BRIP1: variants seen among roughly 807,000 people sequenced by gnomAD.
BRIP1 encodes Fanconi anemia group J protein.
A neutral mutation model predicts 119.7 loss-of-function variants in BRIP1; 88 were observed. That is an observed-to-expected ratio of 0.74 (90% CI 0.62 to 0.88). The LOEUF (loss-of-function observed/expected upper bound fraction) is 0.88, where lower values mean the gene tolerates loss of function less well. Ranked by LOEUF, BRIP1 falls within the 40% of genes least tolerant of loss-of-function variation. The pLI is 0.00. For missense variants in BRIP1, 1,259 were observed against 1,455.4 expected (o/e 0.87, Z 2.20); for synonymous variants, 443 against 496.5 (o/e 0.89, Z 1.43).
chr17:61,701,809 GAT>G lies in BRIP1; in HGVS notation c.2493-8299_2493-8298del, dbSNP rs1479878033. 6.6e-6 allele frequency among the ~76,000 whole-genome samples: 1 copy of G among 152,164 alleles called. No homozygotes were observed. The stretch of plus-strand genomic sequence containing the variant: ...TGAGCTCTGAGTCAGGTCAAATAAA[GAT>G]AGCCTTGTGAGTGGGGTCTTCCAGG... On this transcript the variant is annotated intron_variant, in intron 17 of 19. Coordinates refer to ENST00000259008, the MANE Select transcript of BRIP1 (RefSeq NM_032043.3). This position sits in a 1 kb window ranked among gnomAD's most constrained non-coding sequence, Gnocchi z 5.1.
Position 61,704,747 on chromosome 17 carries a change from T to C in BRIP1, c.2492+11204A>G, listed in dbSNP as rs2144288036. The stretch of plus-strand genomic sequence containing the variant: ...CTTCATCTAAGTTATCAAATGTATA[T>C]GTATAGAGTTTTTCGTAGTATTCTC... On this transcript the variant is annotated intron_variant, in intron 17 of 19. Transcript: ENST00000259008. This position sits in a 1 kb window ranked among gnomAD's most constrained non-coding sequence, Gnocchi z 5.7. 6.6e-6 allele frequency among the ~76,000 whole-genome samples: 1 copy of C among 152,272 alleles called. No individual in the cohort carries two copies. The highest frequency in any genetic ancestry group is 1.9e-4 in the East Asian group (1 of 5,184).
At chr17:61,784,466 G>C (rs1170862114) in intron 10 of BRIP1, 42 bp from the exon 11 acceptor site, 4 of 1,555,888 alleles carry the variant, frequency 2.6e-6, no homozygotes, top group Non-Finnish European at 3.5e-6. Context: ...GGTTGGGAGG[G>C]AATTGGAAAA....
rs2077411722 is a variant in BRIP1, at chr17:61,769,088, T to C, written c.2097+7313A>G. On this transcript the variant is annotated intron_variant, in intron 14 of 19. Transcript: ENST00000259008. This position sits in a 1 kb window ranked among gnomAD's most constrained non-coding sequence, Gnocchi z 4.9. ...TGGGTATCTCACTCAGTCCTACGAC[T>C]ACAAGGGATAAATTCTGCAAACAAA... 6.6e-6 allele frequency among the ~76,000 whole-genome samples: 1 copy of C among 152,092 alleles called. No individual in the cohort carries two copies. Among genetic ancestry groups the C allele is most frequent in the Non-Finnish European group, 1.5e-5 (1 of 68,034 alleles).
At position 61,791,488 on chromosome 17, in the gene BRIP1, CAAAAAAAA is replaced by C. The variant is rs529710126; in HGVS notation, c.1473+2101_1473+2108del. Among the ~76,000 whole-genome samples, 14 of 52,922 alleles carry C rather than the reference CAAAAAAAA, an allele frequency of 2.6e-4. No individual in the cohort carries two copies. In the Admixed American group the frequency reaches 4.0e-3, roughly 15 times the overall value. 34.7% of individuals were successfully genotyped at this position (52,922 alleles called of 152,430 possible). A position where few individuals can be genotyped will look rare whatever the true frequency, so the allele number is the denominator to read the frequency against. On this transcript the variant is annotated intron_variant, in intron 10 of 19. Coordinates refer to ENST00000259008, the MANE Select transcript of BRIP1 (RefSeq NM_032043.3). ...TGGGCAACAGAGTGAGACTTCATCT[CAAAAAAAA>C]AAAAAAAAAAAAAAGAATTTGAGTT...
At chr17:61,797,414 G>A (rs946624375) in intron 9 of BRIP1, among the ~76,000 whole-genome samples, 1 of 152,016 alleles carries the variant, frequency 6.6e-6, no homozygotes, top group Non-Finnish European at 1.5e-5. Context: ...CTGACTGGCT[G>A]AGATAAAAGA....
In BRIP1 at chr17:61,687,870, T is replaced by C. The variant is rs2061384026; in HGVS notation, c.2576-1705A>G. ...GAGAAAACTGGACCTTATGTCTTTT[T>C]CTGGGAGGCTGCCCCAGGGACTGGC... On this transcript the variant is annotated intron_variant, in intron 18 of 19. Coordinates refer to ENST00000259008, the MANE Select transcript of BRIP1 (RefSeq NM_032043.3). The surrounding 1 kb of genome is among the most constrained non-coding windows in gnomAD (Gnocchi z 5.1). Among the ~76,000 whole-genome samples the C allele has an allele frequency of 6.6e-6, 1 of 152,194 alleles. No homozygotes were observed. The highest frequency in any genetic ancestry group is 6.5e-5 in the Admixed American group (1 of 15,284).
In BRIP1 at chr17:61,795,585, CCTT is replaced by C. The variant is rs2077887352; in HGVS notation, c.1341-1859_1341-1857del. On this transcript the variant is annotated intron_variant, in intron 9 of 19. Transcript: ENST00000259008. This position sits in a 1 kb window ranked among gnomAD's most constrained non-coding sequence, Gnocchi z 5.6. Reference sequence around the variant, plus strand: ...CATTTTGTTGCAAATGACAGGATCTCCTTCTGTGTTATGGCTGAATGGTACTCC... The same window carrying C: ...CATTTTGTTGCAAATGACAGGATCTCCTGTGTTATGGCTGAATGGTACTCC... Among the ~76,000 whole-genome samples the C allele has an allele frequency of 6.6e-6, 1 of 152,068 alleles. No individual in the cohort carries two copies. The highest frequency in any genetic ancestry group is 6.6e-5 in the Admixed American group (1 of 15,244).
In BRIP1 at chr17:61,746,355, A is replaced by G. The variant is rs1215751050; in HGVS notation, c.2098-1764T>C. 6.6e-6 allele frequency among the ~76,000 whole-genome samples: 1 copy of G among 152,062 alleles called. No homozygotes were observed. Among genetic ancestry groups the G allele is most frequent in the African/African-American group, 2.4e-5 (1 of 41,420 alleles). On this transcript the variant is annotated intron_variant, in intron 14 of 19. Coordinates refer to ENST00000259008, the MANE Select transcript of BRIP1 (RefSeq NM_032043.3). The surrounding 1 kb of genome is among the most constrained non-coding windows in gnomAD (Gnocchi z 4.9). ...TGAAATGATAATAATGTCTTTCCCT[A>G]TCGGTCATTACTTTAAATGTAAATG...
At position 61,776,024 on chromosome 17, in the gene BRIP1, T is replaced by C. The variant is rs1021125646; in HGVS notation, c.2097+377A>G. On this transcript the variant is annotated intron_variant, in intron 14 of 19. Coordinates refer to ENST00000259008, the MANE Select transcript of BRIP1 (RefSeq NM_032043.3). The surrounding 1 kb of genome is among the most constrained non-coding windows in gnomAD (Gnocchi z 5.0). ...TCAGCCTCGCAGGTAGCTGGGACTA[T>C]AGGTGTGTGCCACCACACCCAGCTA... The C allele has an allele frequency of 2.1e-5, 6 of 286,672 alleles. No homozygotes were observed. Among genetic ancestry groups the C allele is most frequent in the African/African-American group, 1.1e-4 (5 of 45,028 alleles). 17.8% of individuals were successfully genotyped at this position (286,672 alleles called of 1,614,324 possible). A position where few individuals can be genotyped will look rare whatever the true frequency, so the allele number is the denominator to read the frequency against.
At position 61,801,264 on chromosome 17, in the gene BRIP1, T is replaced by C. The variant is rs876659688; in HGVS notation, c.1129A>G (p.Ile377Val). Residue 377 changes from isoleucine (I) to valine (V), a missense_variant, in exon 8 of 20, where the codon ATA (isoleucine) becomes GTA (valine). Around this residue, in one of 3 missense-constraint regions of BRIP1, gnomAD observed 501 missense variants for 544.0 expected, o/e 0.92. Coordinates refer to ENST00000259008, the MANE Select transcript of BRIP1 (RefSeq NM_032043.3). ...ACACATATACTCACACTTTCCCTTA[T>C]TTGTGCATCTAGAAGATAGTTGTAG... The part of the protein sequence containing the change: ...CPYNYLLDAQ[I>V]RESMDLNLKE... 1 of 1,611,942 alleles carries C rather than the reference T, an allele frequency of 6.2e-7. No individual in the cohort carries two copies. The highest frequency in any genetic ancestry group is 8.5e-7 in the Non-Finnish European group (1 of 1,177,992).
rs144151549 is a variant in BRIP1, at chr17:61,850,104, C to CTT, written c.380-850_380-849dup. ...TAATTTAACAATCTTTTTTAACCAT[C>CTT]TTTTTTTTTTTTTTTGAGATGGAGT... On this transcript the variant is annotated intron_variant, in intron 4 of 19. Coordinates refer to ENST00000259008, the MANE Select transcript of BRIP1 (RefSeq NM_032043.3). Among the ~76,000 whole-genome samples, 102 of 139,886 alleles carry CTT rather than the reference C, an allele frequency of 7.3e-4. 1 individual carries two copies. The highest frequency in any genetic ancestry group is 1.1e-3 in the African/African-American group (41 of 37,768). The allele number at this position is 139,886 out of a possible 152,430, so 91.8% of individuals were successfully genotyped here. A position where few individuals can be genotyped will look rare whatever the true frequency, so the allele number is the denominator to read the frequency against.
At position 61,686,020 on chromosome 17, in the gene BRIP1, A is replaced by T. The variant is rs774467171; in HGVS notation, c.2721T>A (p.Ser907=). 2 of 1,614,048 alleles carry T rather than the reference A, an allele frequency of 1.2e-6. No individual in the cohort carries two copies. The highest frequency in any genetic ancestry group is 3.3e-5 in the Admixed American group (2 of 60,024). The change falls in exon 19 of 20, where the codon TCT becomes TCA. Residue 907 remains serine, a synonymous_variant. Coordinates refer to ENST00000259008, the MANE Select transcript of BRIP1 (RefSeq NM_032043.3). The surrounding 1 kb of genome is among the most constrained non-coding windows in gnomAD (Gnocchi z 5.4). ...KDRTNIQDNE[S]TLEVTSLKYS... ...ACTTTAAAGAGGTCACTTCAAGTGT[A>T]GACTCATTGTCCTGTATATTGGTTC...
At position 61,739,864 on chromosome 17, in the gene BRIP1, T is replaced by C. The variant is rs1567776878; in HGVS notation, c.2379+3149A>G. 6.6e-6 allele frequency among the ~76,000 whole-genome samples: 1 copy of C among 152,190 alleles called. No individual in the cohort carries two copies. Among genetic ancestry groups the C allele is most frequent in the African/African-American group, 2.4e-5 (1 of 41,442 alleles). ...GATGAACAATAAGTTCAACTTAGGC[T>C]CAAATTATTACTATAGTTTTTCAAA... On this transcript the variant is annotated intron_variant, in intron 16 of 19. Coordinates refer to ENST00000259008, the MANE Select transcript of BRIP1 (RefSeq NM_032043.3). The surrounding 1 kb of genome is among the most constrained non-coding windows in gnomAD (Gnocchi z 6.0).
In BRIP1 at chr17:61,780,158, C is replaced by T. The variant is rs2145070444; in HGVS notation, c.1935+103G>A. The T allele has an allele frequency of 5.6e-6, 7 of 1,259,948 alleles. No homozygotes were observed. Among genetic ancestry groups the T allele is most frequent in the South Asian group, 2.6e-5 (2 of 77,144 alleles). The allele number at this position is 1,259,948 out of a possible 1,614,324, so 78.0% of individuals were successfully genotyped here. A position where few individuals can be genotyped will look rare whatever the true frequency, so the allele number is the denominator to read the frequency against. The stretch of plus-strand genomic sequence containing the variant: ...AAAACTGGAATGTTGAATTTCCTAC[C>T]AAGATTTACTTGCTGGCACTTCAGG... On this transcript the variant is annotated intron_variant, in intron 13 of 19. Transcript: ENST00000259008. The surrounding 1 kb of genome is among the most constrained non-coding windows in gnomAD (Gnocchi z 5.4).
At position 61,844,283 on chromosome 17, in the gene BRIP1, T is replaced by C. The variant is rs998118725; in HGVS notation, c.627+2818A>G. Among the ~76,000 whole-genome samples the C allele has an allele frequency of 2.6e-5, 4 of 152,064 alleles. No homozygotes were observed. Among genetic ancestry groups the C allele is most frequent in the African/African-American group, 9.7e-5 (4 of 41,410 alleles). Reference sequence around the variant, plus strand: ...AGTATGTGTCCAAAGTCCATTCTCTTAACCAATAAAAACAAAACAAGCCAG... The same window carrying C: ...AGTATGTGTCCAAAGTCCATTCTCTCAACCAATAAAAACAAAACAAGCCAG... On this transcript the variant is annotated intron_variant, in intron 6 of 19. Coordinates refer to ENST00000259008, the MANE Select transcript of BRIP1 (RefSeq NM_032043.3). The surrounding 1 kb of genome is among the most constrained non-coding windows in gnomAD (Gnocchi z 4.7).
chr17:61,778,613 T>C lies in BRIP1; in HGVS notation c.1935+1648A>G, dbSNP rs934590140. Among the ~76,000 whole-genome samples the C allele has an allele frequency of 1.3e-5, 2 of 152,192 alleles. No individual in the cohort carries two copies. Among genetic ancestry groups the C allele is most frequent in the East Asian group, 3.8e-4 (2 of 5,200 alleles). ...ATAGGTTAAATGGACTTTTGTGCAG[T>C]AGGCTGAGAACATAGAGCCTGTAAT... is the stretch of plus-strand genomic sequence containing the variant. On this transcript the variant is annotated intron_variant, in intron 13 of 19. Transcript: ENST00000259008. This position sits in a 1 kb window ranked among gnomAD's most constrained non-coding sequence, Gnocchi z 4.4.
intron 14 of BRIP1, among the ~76,000 whole-genome samples, chr17:61,772,874 A>G (rs2077479399): frequency 6.6e-6 from 1 of 151,682 alleles, no homozygotes; most frequent in African/African-American, 2.4e-5. Flanking sequence ...TTTCACCACA[A>G]TTAGAAATGA....
rs2078686346 is a variant in BRIP1 at position 61,843,477 on chromosome 17, G to C, written c.627+3624C>G. Among the ~76,000 whole-genome samples the C allele has an allele frequency of 6.6e-6, 1 of 152,146 alleles. No homozygotes were observed. Among genetic ancestry groups the C allele is most frequent in the South Asian group, 2.1e-4 (1 of 4,826 alleles). The stretch of plus-strand genomic sequence containing the variant: ...TCCCCTCCAACTCTCATGCTGAAAT[G>C]TGATCCCCCAAGTTGGAGGTGGGGC... On this transcript the variant is annotated intron_variant, in intron 6 of 19. Transcript: ENST00000259008. The surrounding 1 kb of genome is among the most constrained non-coding windows in gnomAD (Gnocchi z 5.7).
Position 61,802,409 on chromosome 17 carries a change from A to C in BRIP1, c.919-935T>G, listed in dbSNP as rs1450601580. ...CAGGAGTTCGAGGATGCAGTGAGCC[A>C]TGATCAAGCCACTGCACTCCGGCCT... On this transcript the variant is annotated intron_variant, in intron 7 of 19. Transcript: ENST00000259008. The surrounding 1 kb of genome is among the most constrained non-coding windows in gnomAD (Gnocchi z 6.0). Among the ~76,000 whole-genome samples, 8 of 152,196 alleles carry C rather than the reference A, an allele frequency of 5.3e-5. No individual in the cohort carries two copies. The highest frequency in any genetic ancestry group is 1.2e-4 in the Non-Finnish European group (8 of 68,026).
Sources: allele counts gnomAD v4.1 joint callset (sites outside exome capture counted in the v4.1 genomes callset), GRCh38; gene constraint gnomAD v4.1.1; regional missense constraint gnomAD v4.1.1; non-coding constraint Gnocchi (gnomAD v3.1); transcripts MANE v1.5; gene names NCBI Gene and HGNC (gene_info 2026-07-23, HGNC 2026-07-21).